Variants in POLQ observed in about 807,000 individuals in gnomAD.
POLQ encodes DNA polymerase theta.
In POLQ, 233 loss-of-function variants were observed where a neutral mutation model predicts 259.2. The observed-to-expected ratio is 0.90, with a 90% CI of 0.81 to 1.00. The LOEUF is 1.00. Among genes scored for constraint, POLQ ranks in the 50% least tolerant of loss-of-function variants. The probability of loss-of-function intolerance (pLI) is 0.00; values close to 1 mark genes in which losing one functional copy is unlikely to be tolerated. For synonymous variants in POLQ, 1,025 were observed against 1,048.8 expected (o/e 0.98, Z 0.44); for missense variants, 2,871 against 3,051.6 (o/e 0.94, Z 1.39).
At chr3:121,528,930 C>A (rs7639071) in intron 7 of POLQ, among the ~76,000 whole-genome samples, 8 of 151,994 alleles carry the variant, frequency 5.3e-5, no homozygotes, top group Non-Finnish European at 1.5e-5. Context: ...CCAGCCTAAG[C>A]GACCGTGCGA....
intron 25 of POLQ, among the ~76,000 whole-genome samples, chr3:121,453,019 C>G (rs896688761): frequency 6.6e-6 from 1 of 152,214 alleles, no homozygotes; most frequent in Non-Finnish European, 1.5e-5. Flanking sequence ...CCTCACACGG[C>G]TGGGTACTCC....
chr3:121,463,296 G>A (rs918837388), intron 24 of POLQ, among the ~76,000 whole-genome samples: 2 of 152,134 alleles, frequency 1.3e-5, no homozygotes, highest in African/African-American at 4.8e-5. Flanking sequence ...CACCATATAA[G>A]ATGTCAAGAT....
chr3:121,452,955 T>C (rs974122204), intron 25 of POLQ, among the ~76,000 whole-genome samples: 1 of 152,022 alleles, frequency 6.6e-6, no homozygotes, highest in African/African-American at 2.4e-5. Flanking sequence ...TCCCTGACCC[T>C]TGACCCCCGA....
In POLQ at chr3:121,488,640, T is replaced by A. The variant is rs759953849; in HGVS notation, c.4291A>T (p.Lys1431Ter). 1 of 1,601,816 alleles carries A rather than the reference T, an allele frequency of 6.2e-7. No homozygotes were observed. Among genetic ancestry groups the A allele is most frequent in the South Asian group, 1.1e-5 (1 of 87,962 alleles). Residue 1431 changes from lysine (K) to a stop codon, truncating the protein, a stop_gained, in exon 16 of 30, where the codon AAA becomes TAA. Coordinates refer to ENST00000264233, the MANE Select transcript of POLQ (RefSeq NM_199420.4). LOFTEE classifies it high-confidence loss of function. ...TCAGTAACAGAAACTTCATTCTTTT[T>A]TAAAAAAAGACCATTTTCCTCCAAT... Reference protein sequence around the residue: ...ILLEENGLFLKKNEVSVTDSQ... With the variant: ...ILLEENGLFL
At chr3:121,522,864 G>A (rs116186120) in intron 7 of POLQ, among the ~76,000 whole-genome samples, 2,118 of 152,242 alleles carry the variant, frequency 0.014, 52 homozygotes, top group African/African-American at 0.049. Flanking sequence ...TGCTCAAGGT[G>A]TGTACCACCA....
chr3:121,543,750 G>A (rs1304545406), intron 2 of POLQ, among the ~76,000 whole-genome samples: 1 of 152,088 alleles, frequency 6.6e-6, no homozygotes, highest in Non-Finnish European at 1.5e-5. Flanking sequence ...TTGGGAGGCT[G>A]AGGTGCGTGG....
Position 121,541,474 on chromosome 3 carries a change from T to G in POLQ, c.349A>C (p.Thr117Pro). 6.3e-7 allele frequency: 1 copy of G among 1,596,902 alleles called. No homozygotes were observed. The highest frequency in any genetic ancestry group is 1.1e-5 in the South Asian group (1 of 87,656). Residue 117 changes from threonine to proline, a missense_variant, in exon 3 of 30, where the codon ACA becomes CCA. Around this residue, in one of 3 missense-constraint regions of POLQ, gnomAD observed 783 missense variants for 906.2 expected, o/e 0.86. Coordinates refer to ENST00000264233, the MANE Select transcript of POLQ (RefSeq NM_199420.4). ...EGKNLVYSAP[T>P]SAGKTLVAEL... ...GCCACAAGAGTCTTCCCAGCACTTGTAGGAGCTAAAACATGATTATTCCAC... is the reference window on the plus strand; with the variant it reads ...GCCACAAGAGTCTTCCCAGCACTTGGAGGAGCTAAAACATGATTATTCCAC...
intron 25 of POLQ, among the ~76,000 whole-genome samples, chr3:121,450,880 G>C (rs192765227): frequency 2.0e-5 from 3 of 152,178 alleles, no homozygotes; most frequent in Non-Finnish European, 4.4e-5. Flanking sequence ...ATCCTGCAGA[G>C]TGTTTTCCAA....
rs776285446 is a variant in POLQ, at chr3:121,489,703, A to T, written c.3228T>A (p.Ser1076Arg). ...CTAAGGTAAACGGGTCTTCACAAAG[A>T]CTAGGATTAGACAGAGTCTGTCCTT... is the stretch of plus-strand genomic sequence containing the variant. ...HLQGQTLSNP[S>R]LCEDPFTLDE... The change falls in exon 16 of 30, where the codon AGT (serine) becomes AGA (arginine). Residue 1076 changes from serine (S) to arginine (R), a missense_variant. Ser to Arg is a moderately radical substitution (Grantham distance 110). This residue lies in a region of POLQ where 2,080 missense variants were observed against 2,126.0 expected (regional missense o/e 0.98). Transcript: ENST00000264233. 3.1e-6 allele frequency: 5 copies of T among 1,613,488 alleles called. No homozygotes were observed. In the East Asian group the frequency reaches 8.9e-5, roughly 29 times the overall value.
chr3:121,530,752 T>G (rs536038124), intron 6 of POLQ, among the ~76,000 whole-genome samples: 1 of 152,230 alleles, frequency 6.6e-6, no homozygotes, highest in Non-Finnish European at 1.5e-5. Flanking sequence ...AATGCATCCA[T>G]CTATTCACTC....
chr3:121,496,085 T>C (rs1359590162), intron 14 of POLQ, among the ~76,000 whole-genome samples: 2 of 151,540 alleles, frequency 1.3e-5, no homozygotes, highest in Non-Finnish European at 2.9e-5. Context: ...GGCAGACCAG[T>C]GGTTCCTTAG....
chr3:121,456,798 G>T (rs1263861608), intron 25 of POLQ, among the ~76,000 whole-genome samples: 1 of 152,134 alleles, frequency 6.6e-6, no homozygotes, highest in Non-Finnish European at 1.5e-5. Context: ...CGTGAAAATG[G>T]CCATACTGCC....
intron 17 of POLQ, among the ~76,000 whole-genome samples, chr3:121,484,726 C>A (rs1032828045): frequency 4.6e-5 from 7 of 152,068 alleles, no homozygotes; most frequent in African/African-American, 1.7e-4. Context: ...CATGGTAAAA[C>A]CCTGTCTCTA....
chr3:121,488,353 C>T lies in POLQ; in HGVS notation c.4578G>A (p.Leu1526=). 1 of 1,612,652 alleles carries T rather than the reference C, an allele frequency of 6.2e-7. No individual in the cohort carries two copies. The highest frequency in any genetic ancestry group is 8.5e-7 in the Non-Finnish European group (1 of 1,178,942). The stretch of plus-strand genomic sequence containing the variant: ...TTTTAATTAGGTCTTCTTGTAGACA[C>T]AGAGAATCACTAAAATGGTTTGATG... The part of the protein sequence containing the change: ...EVTSNHFSDS[L]CLQEDLIKKS... The change falls in exon 16 of 30, where the codon CTG becomes CTA. Residue 1526 remains leucine (L), a synonymous_variant. Transcript: ENST00000264233.
intron 16 of POLQ, 81 bp from the exon 17 acceptor site, chr3:121,485,265 A>T: frequency 1.0e-6 from 1 of 999,734 alleles, no homozygotes; most frequent in East Asian, 2.8e-5. Flanking sequence ...TTATAATAAA[A>T]AACCTATCTT....
At chr3:121,481,551 T>C in intron 19 of POLQ, 21 bp downstream of exon 19, 1 of 1,565,200 alleles carries the variant, frequency 6.4e-7, no homozygotes, top group Non-Finnish European at 8.7e-7. Context: ...AACATAAAAA[T>C]GCCAGAAACT....
intron 19 of POLQ, among the ~76,000 whole-genome samples, chr3:121,477,786 C>T (rs1359560827): frequency 6.6e-6 from 1 of 152,146 alleles, no homozygotes; most frequent in African/African-American, 2.4e-5. Context: ...CCCAGCTCCA[C>T]ACAAACATTA....
At position 121,471,540 on chromosome 3, in the gene POLQ, G is replaced by A. The variant is rs1300990160; in HGVS notation, c.6718+450C>T. Among the ~76,000 whole-genome samples the A allele has an allele frequency of 1.7e-4, 26 of 152,048 alleles. 1 individual carries two copies. The highest frequency in any genetic ancestry group is 1.4e-3 in the Admixed American group (21 of 15,270). ...GTGGATCACCTGAGGTCAGGAGTTCGAGACCAGCCTGATCAATGTGACGAA... is the reference window on the plus strand; with the variant it reads ...GTGGATCACCTGAGGTCAGGAGTTCAAGACCAGCCTGATCAATGTGACGAA... On this transcript the variant is annotated intron_variant, in intron 22 of 29. Coordinates refer to ENST00000264233, the MANE Select transcript of POLQ (RefSeq NM_199420.4).
At chr3:121,513,524 C>CGA (rs2048270870) in intron 9 of POLQ, among the ~76,000 whole-genome samples, 1 of 138,384 alleles carries the variant, frequency 7.2e-6, no homozygotes, top group Non-Finnish European at 1.5e-5. Context: ...ATCACTTGAA[C>CGA]CCAGGAGGCA....
Sources: allele counts gnomAD v4.1 joint callset (sites outside exome capture counted in the v4.1 genomes callset), GRCh38; gene constraint gnomAD v4.1.1; regional missense constraint gnomAD v4.1.1; transcripts MANE v1.5; gene names NCBI Gene and HGNC (gene_info 2026-07-23, HGNC 2026-07-21).